Variants in RAPGEF5 observed in about 807,000 individuals in gnomAD.
RAPGEF5 encodes Rap guanine nucleotide exchange factor 5.
In RAPGEF5, 65 loss-of-function variants were observed where a neutral mutation model predicts 125.2. That is an observed-to-expected ratio of 0.52 (90% CI 0.43 to 0.64). The LOEUF (loss-of-function observed/expected upper bound fraction) is 0.64, where lower values mean the gene tolerates loss of function less well. Ranked by LOEUF, RAPGEF5 falls within the 30% of genes least tolerant of loss-of-function variation. The pLI is 0.00. For missense variants in RAPGEF5, 958 were observed against 1,048.1 expected (o/e 0.91, Z 1.19); for synonymous variants, 391 against 385.9 (o/e 1.01, Z -0.16).
intron 7 of RAPGEF5, among the ~76,000 whole-genome samples, chr7:22,240,209 C>CAAAAA (rs35460153): frequency 5.1e-5 from 4 of 78,918 alleles, no homozygotes; most frequent in African/African-American, 1.3e-4. Context: ...GACTCCACCT[C>CAAAAA]AAAAAAAAAA....
In RAPGEF5 at chr7:22,308,444, C is replaced by G; in HGVS notation, c.575G>C (p.Ser192Thr). The G allele has an allele frequency of 6.3e-7, 1 of 1,576,502 alleles. No homozygotes were observed. The part of the protein sequence containing the change: ...VFYQFSSDEC[S>T]YLYCEFEREE... Reference sequence around the variant, plus strand: ...TCTTTCAAATTCACAGTACAAGTAGCTACATTCATCAGAGGAAAACTGGTA... The same window carrying G: ...TCTTTCAAATTCACAGTACAAGTAGGTACATTCATCAGAGGAAAACTGGTA... The change falls in exon 5 of 26, where the codon AGC (serine) becomes ACC (threonine). Residue 192 changes from serine to threonine, a missense_variant. Coordinates refer to ENST00000665637, the MANE Select transcript of RAPGEF5 (RefSeq NM_012294.5).
intron 11 of RAPGEF5, among the ~76,000 whole-genome samples, chr7:22,170,742 G>C (rs1296762415): frequency 6.6e-6 from 1 of 152,066 alleles, no homozygotes; most frequent in African/African-American, 2.4e-5. Flanking sequence ...TTTGTTAAGG[G>C]CTTTGACCCA....
At chr7:22,123,321 C>T (rs1278905467) in intron 25 of RAPGEF5, among the ~76,000 whole-genome samples, 3 of 152,242 alleles carry the variant, frequency 2.0e-5, no homozygotes, top group Admixed American at 6.5e-5. Context: ...GAGGCAAGCC[C>T]GTGCACCACA....
At chr7:22,326,422 A>G (rs1033960754) in intron 1 of RAPGEF5, among the ~76,000 whole-genome samples, 2 of 152,234 alleles carry the variant, frequency 1.3e-5, no homozygotes, top group African/African-American at 4.8e-5. Context: ...CTTTACTGCT[A>G]CAACAGCAGA....
intron 6 of RAPGEF5, among the ~76,000 whole-genome samples, chr7:22,288,522 TTTTC>T (rs1782851271): frequency 8.0e-6 from 1 of 124,430 alleles, no homozygotes; most frequent in Non-Finnish European, 1.6e-5. Context: ...ATTTCTTTTC[TTTTC>T]TTTTTTTTTT....
intron 6 of RAPGEF5, among the ~76,000 whole-genome samples, chr7:22,284,452 G>C (rs945223372): frequency 1.3e-5 from 2 of 152,136 alleles, no homozygotes; most frequent in Non-Finnish European, 2.9e-5. Flanking sequence ...TTCCACTGGT[G>C]CTTCCTTAAT....
intron 9 of RAPGEF5, among the ~76,000 whole-genome samples, chr7:22,200,311 C>T (rs921803026): frequency 6.6e-6 from 1 of 151,474 alleles, no homozygotes; most frequent in African/African-American, 2.4e-5. Flanking sequence ...AAAAAGTAAA[C>T]AGATGTTTTT....
chr7:22,302,433 A>T (rs1335535386), intron 5 of RAPGEF5, among the ~76,000 whole-genome samples: 3 of 152,204 alleles, frequency 2.0e-5, no homozygotes, highest in Non-Finnish European at 4.4e-5. Flanking sequence ...AATCAAGCTG[A>T]CACCCAACTT....
chr7:22,159,755 T>G (rs972157883), intron 14 of RAPGEF5, among the ~76,000 whole-genome samples: 3 of 152,126 alleles, frequency 2.0e-5, no homozygotes, highest in Non-Finnish European at 1.5e-5. Context: ...GTAAATGGCT[T>G]TTTAAAGTCT....
At chr7:22,343,665 C>A (rs922461889) in intron 1 of RAPGEF5, among the ~76,000 whole-genome samples, 1 of 152,120 alleles carries the variant, frequency 6.6e-6, no homozygotes, top group Non-Finnish European at 1.5e-5. Context: ...ATCTGGATGA[C>A]CCCCCAAACC....
chr7:22,216,643 C>T (rs942294949), intron 9 of RAPGEF5, among the ~76,000 whole-genome samples: 1 of 152,192 alleles, frequency 6.6e-6, no homozygotes, highest in Non-Finnish European at 1.5e-5. Flanking sequence ...GTTAACTCTA[C>T]TATCATAATG....
At chr7:22,236,932 A>G (rs1786205842) in intron 7 of RAPGEF5, among the ~76,000 whole-genome samples, 1 of 152,198 alleles carries the variant, frequency 6.6e-6, no homozygotes, top group East Asian at 1.9e-4. Context: ...ACACTGGCCA[A>G]TGTTCAGGTG....
chr7:22,337,019 T>C (rs1453499799), intron 1 of RAPGEF5, among the ~76,000 whole-genome samples: 1 of 152,142 alleles, frequency 6.6e-6, no homozygotes, highest in Non-Finnish European at 1.5e-5. Flanking sequence ...AACATGTTCA[T>C]CTTGCCTGCT....
chr7:22,323,176 C>G (rs1296057139), intron 1 of RAPGEF5, among the ~76,000 whole-genome samples: 1 of 152,220 alleles, frequency 6.6e-6, no homozygotes, highest in Non-Finnish European at 1.5e-5. Flanking sequence ...GTAGTACCCA[C>G]ATACCTTCAG....
At chr7:22,294,435 T>C (rs934532232) in intron 5 of RAPGEF5, among the ~76,000 whole-genome samples, 4 of 152,230 alleles carry the variant, frequency 2.6e-5, no homozygotes, top group Admixed American at 1.3e-4. Context: ...CTCTGTAAGT[T>C]CAAGAGGTCT....
At chr7:22,138,977 C>T (rs1047415017) in intron 21 of RAPGEF5, among the ~76,000 whole-genome samples, 4 of 152,286 alleles carry the variant, frequency 2.6e-5, no homozygotes, top group South Asian at 4.1e-4. Flanking sequence ...GCAGAGCAGG[C>T]GGGGCTTTCA....
intron 6 of RAPGEF5, among the ~76,000 whole-genome samples, chr7:22,275,510 C>T (rs1022200860): frequency 6.6e-6 from 1 of 152,132 alleles, no homozygotes; most frequent in Non-Finnish European, 1.5e-5. Flanking sequence ...CATGTTTTAG[C>T]TCAATGTAAG....
intron 8 of RAPGEF5, among the ~76,000 whole-genome samples, chr7:22,230,031 C>T (rs1786020474): frequency 6.6e-6 from 1 of 152,136 alleles, no homozygotes; most frequent in Non-Finnish European, 1.5e-5. Context: ...CAGACATTTA[C>T]CCATAGAATA....
At chr7:22,315,228 C>A in intron 3 of RAPGEF5, 142 bp downstream of exon 3, 2 of 913,218 alleles carry the variant, frequency 2.2e-6, no homozygotes, top group Non-Finnish European at 3.0e-6. Context: ...GAAAAGTCAC[C>A]ATCAGTTTCC....
Sources: allele counts gnomAD v4.1 joint callset (sites outside exome capture counted in the v4.1 genomes callset), GRCh38; gene constraint gnomAD v4.1.1; transcripts MANE v1.5; gene names NCBI Gene and HGNC (gene_info 2026-07-23, HGNC 2026-07-21).